The following ARHGAP12 variants were observed in gnomAD, a reference collection of about 807,000 sequenced individuals.
The protein encoded by ARHGAP12 is rho GTPase-activating protein 12.
A neutral mutation model predicts 108.6 loss-of-function variants in ARHGAP12; 64 were observed. The ratio of observed to expected loss-of-function variants is 0.59; its 90% CI spans 0.48 to 0.73. ARHGAP12 has a LOEUF of 0.73. ARHGAP12 is among the 30% of genes least tolerant of loss of function. The pLI, the probability that ARHGAP12 is intolerant of heterozygous loss-of-function variation, is 0.00. For synonymous variants in ARHGAP12, 312 were observed against 337.2 expected, an observed-to-expected ratio of 0.93 and a Z score of 0.82; for missense variants, 940 against 1,005.9, an observed-to-expected ratio of 0.93 and a Z score of 0.89.
chr10:31,807,834 TG>T lies in ARHGAP12; in HGVS notation c.2367-3del. The T allele has an allele frequency of 6.7e-7, 1 of 1,502,808 alleles. No homozygotes were observed. Among genetic ancestry groups the T allele is most frequent in the East Asian group, 2.4e-5 (1 of 41,944 alleles). 93.1% of individuals were successfully genotyped at this position (1,502,808 alleles called of 1,614,324 possible). A position where few individuals can be genotyped will look rare whatever the true frequency, so the allele number is the denominator to read the frequency against. On this transcript the variant is annotated splice_region_variant and splice_polypyrimidine_tract_variant and intron_variant, in intron 19 of 19. Transcript: ENST00000344936. The stretch of plus-strand genomic sequence containing the variant: ...TTTTTCTCTCCATTTTCTATAACTC[TG>T]AAGGGAAAAAAAGAAGTTGTTAAAA...
rs1564427262 is a variant in ARHGAP12 at position 31,908,316 on chromosome 10, A to C, written c.540T>G (p.Phe180Leu). ...CTACATCCAAGAACTCTGGACCGGG[A>C]AAATGACCAAATGAGCGTGTCCTAT... ...SQNRTRSFGH[F>L]PGPEFLDVEK... is the part of the protein sequence containing the mutation. Residue 180 changes from phenylalanine (F) to leucine (L), a missense_variant, in exon 3 of 20, where the codon TTT becomes TTG. Phe to Leu is a conservative substitution (Grantham distance 22). Transcript: ENST00000344936. 1.9e-6 allele frequency: 3 copies of C among 1,614,124 alleles called. No individual in the cohort carries two copies. Among genetic ancestry groups the C allele is most frequent in the Non-Finnish European group, 1.7e-6 (2 of 1,180,014 alleles).
At chr10:31,884,114 GAATTT>G (rs1838099412) in intron 3 of ARHGAP12, among the ~76,000 whole-genome samples, 1 of 110,032 alleles carries the variant, frequency 9.1e-6, no homozygotes, top group Non-Finnish European at 2.0e-5. Context: ...AAAAAAAAAA[GAATTT>G]AATTCTACGT....
At chr10:31,860,019 T>C (rs1001108609) in intron 4 of ARHGAP12, among the ~76,000 whole-genome samples, 4 of 152,172 alleles carry the variant, frequency 2.6e-5, no homozygotes, top group African/African-American at 7.2e-5. Flanking sequence ...TGACCTCAAG[T>C]GATCTGCCTC....
At chr10:31,825,904 C>T (rs1835588031) in intron 11 of ARHGAP12, among the ~76,000 whole-genome samples, 3 of 152,098 alleles carry the variant, frequency 2.0e-5, no homozygotes, top group African/African-American at 7.2e-5. Flanking sequence ...GATTTGTAAC[C>T]AATGGTCAGA....
intron 4 of ARHGAP12, among the ~76,000 whole-genome samples, chr10:31,860,216 A>T (rs778004511): frequency 5.9e-5 from 9 of 152,266 alleles, no homozygotes; most frequent in African/African-American, 1.2e-4. Context: ...TATTAACTAC[A>T]AAAAGCTTTT....
chr10:31,889,508 A>G (rs770376653), intron 3 of ARHGAP12, among the ~76,000 whole-genome samples: 2 of 152,178 alleles, frequency 1.3e-5, no homozygotes, highest in Non-Finnish European at 2.9e-5. Flanking sequence ...CTACTTTCTA[A>G]AAATGTTTTT....
At chr10:31,837,387 T>C (rs542847131) in intron 9 of ARHGAP12, among the ~76,000 whole-genome samples, 11 of 152,220 alleles carry the variant, frequency 7.2e-5, no homozygotes, top group Non-Finnish European at 1.6e-4. Context: ...GATAAGTAGA[T>C]GCATGTAGTC....
At chr10:31,898,758 G>A (rs1232709175) in intron 3 of ARHGAP12, among the ~76,000 whole-genome samples, 4 of 152,176 alleles carry the variant, frequency 2.6e-5, no homozygotes, top group East Asian at 3.9e-4. Flanking sequence ...TAGGAGCAAC[G>A]GGCTACACCA....
intron 3 of ARHGAP12, among the ~76,000 whole-genome samples, chr10:31,893,052 C>T (rs1351133922): frequency 2.0e-5 from 3 of 152,094 alleles, no homozygotes; most frequent in Non-Finnish European, 4.4e-5. Context: ...TTGAAACCAA[C>T]AAGAACAAAG....
At chr10:31,921,142 C>T (rs770325097) in intron 1 of ARHGAP12, among the ~76,000 whole-genome samples, 7 of 151,818 alleles carry the variant, frequency 4.6e-5, no homozygotes, top group African/African-American at 4.8e-5. Context: ...AAAAACTAGC[C>T]GGGCATGGTG....
intron 9 of ARHGAP12, 36 bp from the exon 10 acceptor site, chr10:31,831,836 T>TA: frequency 1.5e-6 from 2 of 1,363,342 alleles, no homozygotes; most frequent in Non-Finnish European, 2.0e-6. Context: ...TACAATCACA[T>TA]AGACAATGAG....
intron 6 of ARHGAP12, among the ~76,000 whole-genome samples, chr10:31,843,893 T>C (rs1373616990): frequency 1.3e-5 from 2 of 152,154 alleles, no homozygotes; most frequent in Non-Finnish European, 2.9e-5. Context: ...ATTCACGGAG[T>C]TGCTATAAAG....
intron 3 of ARHGAP12, among the ~76,000 whole-genome samples, chr10:31,861,914 G>A (rs1161994635): frequency 6.6e-6 from 1 of 152,176 alleles, no homozygotes; most frequent in Non-Finnish European, 1.5e-5. Context: ...ACAGCCAAGA[G>A]CTGTGGGTTC....
intron 13 of ARHGAP12, 50 bp downstream of exon 13, chr10:31,817,729 TAAAAAAAAA>T: frequency 3.3e-6 from 3 of 921,600 alleles, no homozygotes; most frequent in Non-Finnish European, 4.7e-6. Context: ...AATAAGCAAT[TAAAAAAAAA>T]AAAGAAAAAC....
intron 11 of ARHGAP12, among the ~76,000 whole-genome samples, chr10:31,821,986 G>A (rs1333282012): frequency 2.0e-5 from 3 of 151,824 alleles, no homozygotes; most frequent in Non-Finnish European, 4.4e-5. Flanking sequence ...CATCATACAC[G>A]CTGTAGATGG....
chr10:31,870,316 G>A (rs2799035), intron 3 of ARHGAP12, among the ~76,000 whole-genome samples: 29,939 of 148,868 alleles, frequency 0.2, 3,279 homozygotes, highest in East Asian at 0.39. Context: ...TGCAACCTCC[G>A]CCTCCTGCGT....
At chr10:31,871,219 A>G (rs1159164350) in intron 3 of ARHGAP12, among the ~76,000 whole-genome samples, 4 of 152,262 alleles carry the variant, frequency 2.6e-5, no homozygotes, top group Admixed American at 6.5e-5. Flanking sequence ...TTCTTCGGAT[A>G]TAACACACAA....
At chr10:31,898,745 G>A (rs1054994223) in intron 3 of ARHGAP12, among the ~76,000 whole-genome samples, 1 of 152,142 alleles carries the variant, frequency 6.6e-6, no homozygotes, top group African/African-American at 2.4e-5. Context: ...CAGGTTTGTA[G>A]CCTAGGAGCA....
chr10:31,880,639 A>G (rs1361035517), intron 3 of ARHGAP12, among the ~76,000 whole-genome samples: 1 of 152,210 alleles, frequency 6.6e-6, no homozygotes, highest in Admixed American at 6.5e-5. Flanking sequence ...AATGTACATA[A>G]GTTATCTGTA....
Sources: gnomAD v4.1 joint callset for allele counts (sites outside exome capture counted in the v4.1 genomes callset) on GRCh38, gnomAD v4.1.1 for gene constraint, MANE v1.5 for transcripts, NCBI Gene and HGNC (gene_info 2026-07-23, HGNC 2026-07-21) for gene names.